Variants in NEMF observed in about 807,000 individuals in gnomAD.
The protein encoded by NEMF is ribosome quality control complex subunit NEMF.
In NEMF, 89 loss-of-function variants were observed where a neutral mutation model predicts 162.2. The observed-to-expected ratio is 0.55, with a 90% CI of 0.46 to 0.65. The LOEUF (loss-of-function observed/expected upper bound fraction) is 0.65. Ranked by LOEUF, NEMF falls within the 30% of genes least tolerant of loss-of-function variation. The pLI is 0.00. For missense variants in NEMF, 1,133 were observed against 1,261.9 expected, an observed-to-expected ratio of 0.90 and a Z score of 1.55; for synonymous variants, 421 against 404.5, an observed-to-expected ratio of 1.04 and a Z score of -0.49.
At chr14:49,801,771 A>C (rs1890967568) in intron 22 of NEMF, among the ~76,000 whole-genome samples, 1 of 152,148 alleles carries the variant, frequency 6.6e-6, no homozygotes, top group Admixed American at 6.5e-5. Flanking sequence ...CCAAATTTTC[A>C]TATGAGAAAC....
Position 49,783,356 on chromosome 14 carries a change from CAATAT to C in NEMF, c.*1275_*1279del, listed in dbSNP as rs1890004277. ...GTTATGTAACCTAGTGTTGTAAATA[CAATAT>C]AATAAAGGTTTTTTTTTTTAAACAT... On this transcript the variant is annotated 3_prime_UTR_variant, in exon 33 of 33. Coordinates refer to ENST00000298310, the MANE Select transcript of NEMF (RefSeq NM_004713.6). The C allele has an allele frequency of 1.8e-5, 2 of 113,026 alleles. No individual in the cohort carries two copies. The highest frequency in any genetic ancestry group is 3.8e-5 in the Non-Finnish European group (2 of 53,296). The allele number at this position is 113,026 out of a possible 1,614,324, so 7.0% of individuals were successfully genotyped here.
At chr14:49,814,084 A>G (rs752396388) in intron 17 of NEMF, 34 bp from the exon 18 acceptor site, 3 of 1,224,690 alleles carry the variant, frequency 2.4e-6, no homozygotes, top group Non-Finnish European at 2.4e-6. Context: ...TGACACTTTA[A>G]GTCCTAATTA....
intron 16 of NEMF, among the ~76,000 whole-genome samples, chr14:49,821,807 G>T (rs8020428): frequency 2.0e-5 from 3 of 150,800 alleles, no homozygotes; most frequent in East Asian, 4.0e-4. Context: ...TCTGGGAGGA[G>T]GTACCCAACA....
At chr14:49,811,549 C>T (rs766880553) in intron 18 of NEMF, among the ~76,000 whole-genome samples, 1 of 152,164 alleles carries the variant, frequency 6.6e-6, no homozygotes, top group Non-Finnish European at 1.5e-5. Flanking sequence ...CCCAATCTTT[C>T]AGCATTAAGT....
At chr14:49,795,588 C>T (rs1594734169) in intron 26 of NEMF, among the ~76,000 whole-genome samples, 1 of 152,182 alleles carries the variant, frequency 6.6e-6, no homozygotes, top group Admixed American at 6.5e-5. Context: ...AGCTTCTGTG[C>T]AGATGATCTT....
chr14:49,789,670 A>AAAATG (rs1464484126), intron 26 of NEMF, 97 bp from the exon 27 acceptor site: 5 of 1,485,474 alleles, frequency 3.4e-6, no homozygotes, highest in Non-Finnish European at 4.5e-6. Flanking sequence ...TTCTCTGTCA[A>AAAATG]AAATGCTTAC....
At position 49,789,322 on chromosome 14, in the gene NEMF, CTTCT is replaced by C; in HGVS notation, c.2715_2718del (p.Glu906LysfsTer16). On this transcript the variant is annotated frameshift_variant, in exon 28 of 33. Transcript: ENST00000298310. LOFTEE classifies it high-confidence loss of function. ...CCTTTCTTCCCCTTCTTCCCTTTTT[CTTCT>C]TTGTTTGAACCTGCAGACTTTAATT... The C allele has an allele frequency of 6.2e-7, 1 of 1,614,088 alleles. No homozygotes were observed. The highest frequency in any genetic ancestry group is 1.1e-5 in the South Asian group (1 of 91,078).
At chr14:49,824,312 A>G (rs1892230653) in intron 16 of NEMF, among the ~76,000 whole-genome samples, 1 of 152,164 alleles carries the variant, frequency 6.6e-6, no homozygotes. Flanking sequence ...TGGGAGGCTG[A>G]GGCGGGTGGA....
At chr14:49,834,090 GT>G in intron 7 of NEMF, 1 of 532,056 alleles carries the variant, frequency 1.9e-6, no homozygotes, top group Non-Finnish European at 3.6e-6. Context: ...GGTGATACTT[GT>G]TTTTGTGGGG....
At chr14:49,827,491 C>A (rs888988311) in intron 15 of NEMF, among the ~76,000 whole-genome samples, 1 of 152,022 alleles carries the variant, frequency 6.6e-6, no homozygotes, top group Admixed American at 6.6e-5. Flanking sequence ...CCAGTCTTCA[C>A]TTTTGATTCA....
chr14:49,815,670 T>A (rs1245926321), intron 16 of NEMF, among the ~76,000 whole-genome samples: 1 of 152,124 alleles, frequency 6.6e-6, no homozygotes, highest in Non-Finnish European at 1.5e-5. Flanking sequence ...TTTTTACTTA[T>A]ATAAAAAAGG....
At chr14:49,787,163 T>C (rs1177355563) in intron 28 of NEMF, 2 of 167,834 alleles carry the variant, frequency 1.2e-5, no homozygotes, top group Non-Finnish European at 2.6e-5. Flanking sequence ...TTCAACAGTT[T>C]TGGATAAATT....
intron 5 of NEMF, among the ~76,000 whole-genome samples, chr14:49,838,625 C>T (rs1005907947): frequency 2.0e-5 from 3 of 147,802 alleles, no homozygotes; most frequent in Non-Finnish European, 4.5e-5. Flanking sequence ...TGCTCTGTCG[C>T]CCAGGCTGCA....
intron 3 of NEMF, chr14:49,849,739 G>A (rs1052920140): frequency 6.6e-6 from 1 of 152,148 alleles, no homozygotes; most frequent in East Asian, 1.9e-4. Flanking sequence ...ACAGTCCACT[G>A]AGTTGCTAAA....
intron 19 of NEMF, among the ~76,000 whole-genome samples, chr14:49,804,554 C>T (rs1345395273): frequency 6.6e-6 from 1 of 151,852 alleles, no homozygotes; most frequent in Non-Finnish European, 1.5e-5. Context: ...ATAATCCCAG[C>T]TACTCGGGAG....
Position 49,802,703 on chromosome 14 carries a change from G to A in NEMF, c.1940C>T (p.Ser647Leu), listed in dbSNP as rs1300779234. 4 of 1,611,092 alleles carry A rather than the reference G, an allele frequency of 2.5e-6. No homozygotes were observed. Among genetic ancestry groups the A allele is most frequent in the South Asian group, 1.1e-5 (1 of 90,760 alleles). The change falls in exon 21 of 33, where the codon TCA (serine) becomes TTA (leucine). Residue 647 changes from serine (S) to leucine (L), a missense_variant. This residue lies in a region of NEMF where 532 missense variants were observed against 578.6 expected (regional missense o/e 0.92). Transcript: ENST00000298310. ...IRGKKNFLPP[S>L]YLMMGFSFLF... ...GAAGCTAAACCCCATCATTAGATAT[G>A]AGGGAGGAAGAAAATTCTTTTTTCC... is the stretch of plus-strand genomic sequence containing the variant.
chr14:49,851,992 G>C, intron 1 of NEMF, 117 bp from the exon 2 acceptor site: 1 of 630,538 alleles, frequency 1.6e-6, no homozygotes, highest in Non-Finnish European at 2.7e-6. Context: ...TATGGAGTCA[G>C]CCGAGGAGCA....
rs202221424 is a variant in NEMF at position 49,827,599 on chromosome 14, G to C, written c.1488+692C>G. The stretch of plus-strand genomic sequence containing the variant: ...GGCCTGAAGCGGGCGGATCACCTGA[G>C]GTCAGCAGTTTGAGACCAAGCTGAC... On this transcript the variant is annotated intron_variant, in intron 15 of 32. Coordinates refer to ENST00000298310, the MANE Select transcript of NEMF (RefSeq NM_004713.6). Among the ~76,000 whole-genome samples, 6 of 152,276 alleles carry C rather than the reference G, an allele frequency of 3.9e-5. No homozygotes were observed. The East Asian group carries it at 1.2e-3, about 30-fold the overall frequency.
At chr14:49,837,146 T>A (rs1278445279) in intron 6 of NEMF, among the ~76,000 whole-genome samples, 1 of 152,042 alleles carries the variant, frequency 6.6e-6, no homozygotes, top group Non-Finnish European at 1.5e-5. Flanking sequence ...CGTGGTGGCA[T>A]GAGCCTGTAG....
Sources: allele counts gnomAD v4.1 joint callset (sites outside exome capture counted in the v4.1 genomes callset), GRCh38; gene constraint gnomAD v4.1.1; regional missense constraint gnomAD v4.1.1; transcripts MANE v1.5; gene names NCBI Gene and HGNC (gene_info 2026-07-23, HGNC 2026-07-21).